The following TBPL2 variants were observed in gnomAD, a reference collection of about 807,000 sequenced individuals.
TBPL2 encodes TATA box-binding protein-like 2.
In TBPL2, 40 loss-of-function variants were observed where a neutral mutation model predicts 38.2. The observed-to-expected ratio is 1.05, with a 90% CI of 0.81 to 1.36. The LOEUF is 1.36. Among genes scored for constraint, TBPL2 ranks in the 40% most tolerant of loss-of-function variants. The pLI, the probability that TBPL2 is intolerant of heterozygous loss-of-function variation, is 0.00. For missense variants in TBPL2, 461 were observed against 456.7 expected, an observed-to-expected ratio of 1.01 and a Z score of -0.09; for synonymous variants, 169 against 171.7, an observed-to-expected ratio of 0.98 and a Z score of 0.12.
At chr14:55,438,182 G>T (rs1228985822) in intron 1 of TBPL2, among the ~76,000 whole-genome samples, 1 of 152,192 alleles carries the variant, frequency 6.6e-6, no homozygotes, top group Non-Finnish European at 1.5e-5. Flanking sequence ...GGTCAGGAAT[G>T]CACCGTGTTG....
chr14:55,425,957 G>T (rs1885815057), intron 5 of TBPL2, among the ~76,000 whole-genome samples: 1 of 152,078 alleles, frequency 6.6e-6, no homozygotes, highest in Non-Finnish European at 1.5e-5. Context: ...TTTATATCAG[G>T]ATACCTTTGA....
intron 6 of TBPL2, among the ~76,000 whole-genome samples, chr14:55,420,876 G>A (rs913871248): frequency 5.3e-5 from 8 of 151,900 alleles, no homozygotes; most frequent in Admixed American, 1.3e-4. Context: ...TGGCCAACAC[G>A]GTGAAACCCC....
At chr14:55,436,993 G>A in exon 2 of TBPL2, 1 of 1,614,090 alleles carries the variant, frequency 6.2e-7, no homozygotes, top group South Asian at 1.1e-5. Flanking sequence ...GCTGAACAGG[G>A]GAGACCTGGG....
At position 55,435,227 on chromosome 14, in the gene TBPL2, C is replaced by T. The variant is rs1885994600; in HGVS notation, c.696+620G>A. On this transcript the variant is annotated intron_variant, in intron 3 of 6. Transcript: ENST00000247219. The stretch of plus-strand genomic sequence containing the variant: ...GACAACATTTGGCAAAAATTATTTC[C>T]AGAAATTTGATGGCATTTTAAGATA... Among the ~76,000 whole-genome samples, 3 of 151,784 alleles carry T rather than the reference C, an allele frequency of 2.0e-5. No individual in the cohort carries two copies. In the South Asian group the frequency reaches 6.2e-4, roughly 31 times the overall value.
chr14:55,428,978 G>C lies in TBPL2; in HGVS notation c.789-4C>G. The C allele has an allele frequency of 6.2e-7, 1 of 1,613,872 alleles. No homozygotes were observed. Among genetic ancestry groups the C allele is most frequent in the Non-Finnish European group, 8.5e-7 (1 of 1,179,962 alleles). On this transcript the variant is annotated splice_region_variant and splice_polypyrimidine_tract_variant and intron_variant, in intron 4 of 6. Coordinates refer to ENST00000247219, the Ensembl canonical transcript of TBPL2. ...TGCAAGTCGAGACTGCTCTTCACTGGGGAGGGGCAAATATGTTTAAAGATG... is the reference window on the plus strand; with the variant it reads ...TGCAAGTCGAGACTGCTCTTCACTGCGGAGGGGCAAATATGTTTAAAGATG...
intron 6 of TBPL2, among the ~76,000 whole-genome samples, chr14:55,417,090 A>G (rs776645390): frequency 3.9e-5 from 6 of 152,240 alleles, no homozygotes; most frequent in Non-Finnish European, 8.8e-5. Flanking sequence ...AGGGATCATT[A>G]TATCATAGAG....
chr14:55,415,293 C>T (rs906063386), intron 6 of TBPL2, among the ~76,000 whole-genome samples: 1 of 152,118 alleles, frequency 6.6e-6, no homozygotes, highest in African/African-American at 2.4e-5. Flanking sequence ...CAACTGTTAG[C>T]ATGAAGAGAA....
In TBPL2 at chr14:55,432,051, G is replaced by A. The variant is rs191586508; in HGVS notation, c.788+1579C>T. Among the ~76,000 whole-genome samples the A allele has an allele frequency of 3.9e-5, 6 of 152,202 alleles. No homozygotes were observed. In the East Asian group the frequency reaches 7.7e-4, roughly 20 times the overall value. On this transcript the variant is annotated intron_variant, in intron 4 of 6. Transcript: ENST00000247219. ...AAATGCCTTAAGGGCAAAGCCAAATGTAGAAAACAAAGAAAAAAATGGGAT... is the reference window on the plus strand; with the variant it reads ...AAATGCCTTAAGGGCAAAGCCAAATATAGAAAACAAAGAAAAAAATGGGAT...
At chr14:55,414,505 TTTAC>T (rs1885640797) in intron 6 of TBPL2, 50 bp from the exon 7 acceptor site, 1 of 1,348,222 alleles carries the variant, frequency 7.4e-7, no homozygotes, top group Non-Finnish European at 1.0e-6. Flanking sequence ...AATACCAACA[TTTAC>T]TTAAACACTA....
intron 6 of TBPL2, among the ~76,000 whole-genome samples, chr14:55,420,395 G>C (rs1885724631): frequency 6.6e-6 from 1 of 152,182 alleles, no homozygotes; most frequent in Non-Finnish European, 1.5e-5. Flanking sequence ...TAGAGACACA[G>C]GATTAAGTAA....
intron 1 of TBPL2, among the ~76,000 whole-genome samples, chr14:55,439,363 T>C (rs1886068115): frequency 6.6e-6 from 1 of 151,470 alleles, no homozygotes. Flanking sequence ...ACTTGACTTC[T>C]AGAGGGAGGC....
In TBPL2 at chr14:55,420,782, G is replaced by A. The variant is rs1885729946; in HGVS notation, c.1051+3377C>T. Among the ~76,000 whole-genome samples the A allele has an allele frequency of 2.0e-5, 3 of 152,124 alleles. No homozygotes were observed. In the South Asian group the frequency reaches 6.2e-4, roughly 32 times the overall value. ...GCTTTTTAAAAGAAATTTGGGGGTT[G>A]GGTGCGGTGGCTCACTCCTGTAATC... On this transcript the variant is annotated intron_variant, in intron 6 of 6. Coordinates refer to ENST00000247219, the Ensembl canonical transcript of TBPL2.
intron 5 of TBPL2, 122 bp downstream of exon 5, chr14:55,428,685 T>C (rs1262326035): frequency 9.3e-6 from 10 of 1,078,120 alleles, no homozygotes; most frequent in Non-Finnish European, 1.3e-5. Flanking sequence ...CTTTTCACTA[T>C]TGTGTCCCCC....
exon 1 of TBPL2, chr14:55,440,556 G>C (rs776681700): frequency 3.2e-6 from 5 of 1,582,330 alleles, no homozygotes; most frequent in Non-Finnish European, 4.3e-6. Flanking sequence ...TTATGAGCCT[G>C]GGGGCAGCGA....
chr14:55,435,979 G>GGA (rs1555344572), intron 2 of TBPL2, 45 bp from the exon 3 acceptor site: 1 of 813,276 alleles, frequency 1.2e-6, no homozygotes, highest in South Asian at 2.1e-5. Context: ...GATATAAAGA[G>GGA]TAAAAAAAAA....
intron 6 of TBPL2, among the ~76,000 whole-genome samples, chr14:55,422,070 G>A (rs1885753261): frequency 6.6e-6 from 1 of 152,116 alleles, no homozygotes; most frequent in Admixed American, 6.6e-5. Context: ...TAAGATAAAG[G>A]CAATAGGATT....
intron 6 of TBPL2, among the ~76,000 whole-genome samples, chr14:55,416,507 C>T (rs1165954515): frequency 6.6e-6 from 1 of 152,130 alleles, no homozygotes; most frequent in African/African-American, 2.4e-5. Flanking sequence ...AGTTTACTAT[C>T]TGTAGGTCTT....
chr14:55,420,689 A>G (rs762142732), intron 6 of TBPL2, among the ~76,000 whole-genome samples: 5 of 152,068 alleles, frequency 3.3e-5, no homozygotes, highest in Non-Finnish European at 7.3e-5. Flanking sequence ...AGTGTACTGT[A>G]TAGTCTTCAG....
At chr14:55,433,520 A>G in intron 4 of TBPL2, 110 bp downstream of exon 4, 1 of 1,019,940 alleles carries the variant, frequency 9.8e-7, no homozygotes, top group Admixed American at 2.1e-5. Flanking sequence ...GTCTTCAGCA[A>G]AGAAAGGCAT....
Sources: allele counts gnomAD v4.1 joint callset (sites outside exome capture counted in the v4.1 genomes callset), GRCh38; gene constraint gnomAD v4.1.1; transcripts MANE v1.5; gene names NCBI Gene and HGNC (gene_info 2026-07-23, HGNC 2026-07-21).